The following STX8 variants were observed in gnomAD, a reference collection of about 807,000 sequenced individuals.
The protein encoded by STX8 is syntaxin 8.
A neutral mutation model predicts 37.5 loss-of-function variants in STX8; 23 were observed. The observed-to-expected ratio is 0.61, with a 90% CI of 0.44 to 0.87. The LOEUF is 0.87. Among genes scored for constraint, STX8 ranks in the 40% least tolerant of loss-of-function variants. The probability of loss-of-function intolerance (pLI) is 0.00; values close to 1 mark genes in which losing one functional copy is unlikely to be tolerated. For missense variants in STX8, 313 were observed against 284.7 expected, an observed-to-expected ratio of 1.10 and a Z score of -0.71; for synonymous variants, 115 against 99.1, an observed-to-expected ratio of 1.16 and a Z score of -0.95.
intron 6 of STX8, among the ~76,000 whole-genome samples, chr17:9,474,102 A>C (rs982368353): frequency 1.3e-5 from 2 of 152,112 alleles, no homozygotes; most frequent in African/African-American, 2.4e-5. Flanking sequence ...GAGCTGCTGG[A>C]TTGGTGAACA....
At chr17:9,423,730 T>G (rs1256816305) in intron 6 of STX8, among the ~76,000 whole-genome samples, 1 of 152,264 alleles carries the variant, frequency 6.6e-6, no homozygotes, top group African/African-American at 2.4e-5. Context: ...TTCTTACCCT[T>G]GCAGGTCAGT....
At chr17:9,485,368 G>C (rs1022083289) in intron 6 of STX8, among the ~76,000 whole-genome samples, 4 of 152,160 alleles carry the variant, frequency 2.6e-5, no homozygotes, top group African/African-American at 9.7e-5. Flanking sequence ...GGCATTCATG[G>C]AGAGGAAAGC....
chr17:9,562,352 G>A (rs970700828), intron 2 of STX8, among the ~76,000 whole-genome samples: 1 of 151,624 alleles, frequency 6.6e-6, no homozygotes, highest in African/African-American at 2.4e-5. Flanking sequence ...CTTGAAGTGA[G>A]CCGAGATCGC....
chr17:9,307,717 T>G (rs1909049009), intron 7 of STX8, among the ~76,000 whole-genome samples: 1 of 151,926 alleles, frequency 6.6e-6, no homozygotes, highest in South Asian at 2.1e-4. Flanking sequence ...GCATGCTGAG[T>G]ACTTTGAACT....
chr17:9,271,010 T>C (rs1478079496), intron 7 of STX8, among the ~76,000 whole-genome samples: 1 of 152,238 alleles, frequency 6.6e-6, no homozygotes, highest in African/African-American at 2.4e-5. Context: ...GTTTCATTCA[T>C]TCCTTGTAAC....
intron 6 of STX8, among the ~76,000 whole-genome samples, chr17:9,379,792 A>G (rs1478758770): frequency 3.9e-5 from 6 of 152,022 alleles, no homozygotes; most frequent in Non-Finnish European, 8.8e-5. Context: ...AACATGGTGA[A>G]ACCCCGTCTC....
chr17:9,271,642 C>T (rs974086402), intron 7 of STX8, among the ~76,000 whole-genome samples: 1 of 149,628 alleles, frequency 6.7e-6, no homozygotes, highest in Non-Finnish European at 1.5e-5. Flanking sequence ...CCCAGCTACT[C>T]GGGAGGCTGA....
At chr17:9,398,176 A>G (rs1205467080) in intron 6 of STX8, among the ~76,000 whole-genome samples, 2 of 152,168 alleles carry the variant, frequency 1.3e-5, no homozygotes, top group Non-Finnish European at 2.9e-5. Flanking sequence ...GAAATGGGGA[A>G]GGAGTAACTT....
At chr17:9,454,267 G>A (rs112673233) in intron 6 of STX8, among the ~76,000 whole-genome samples, 18 of 152,276 alleles carry the variant, frequency 1.2e-4, no homozygotes, top group African/African-American at 3.4e-4. Context: ...CTCGTAGGCC[G>A]GGAGCACGTA....
rs769390840 is a variant in STX8 at position 9,414,129 on chromosome 17, ACCAT to A, written c.542-35480_542-35477del. ...ATCCATCCATCCATCCATCCATCCA[ACCAT>A]CCATCCATCCATCCATCCATCCATG... On this transcript the variant is annotated intron_variant, in intron 6 of 7. Transcript: ENST00000306357. Among the ~76,000 whole-genome samples the A allele has an allele frequency of 2.5e-4, 17 of 67,678 alleles. No homozygotes were observed. The East Asian group carries it at 5.6e-3, about 22-fold the overall frequency. The allele number at this position is 67,678 out of a possible 152,430, so 44.4% of individuals were successfully genotyped here. A position where few individuals can be genotyped will look rare whatever the true frequency, so the allele number is the denominator to read the frequency against.
At chr17:9,255,895 TTTTC>T (rs1190734691) in intron 7 of STX8, among the ~76,000 whole-genome samples, 1 of 152,210 alleles carries the variant, frequency 6.6e-6, no homozygotes, top group Non-Finnish European at 1.5e-5. Context: ...CGGCAATCCT[TTTTC>T]TTTAAGAAGT....
At chr17:9,545,527 A>G (rs983024426) in intron 3 of STX8, among the ~76,000 whole-genome samples, 3 of 152,180 alleles carry the variant, frequency 2.0e-5, no homozygotes, top group African/African-American at 7.2e-5. Context: ...TCATGACACA[A>G]GTTTTTCATT....
chr17:9,298,112 C>T (rs1052560302), intron 7 of STX8, among the ~76,000 whole-genome samples: 6 of 151,956 alleles, frequency 3.9e-5, no homozygotes, highest in African/African-American at 1.5e-4. Context: ...AGTCAGCCTC[C>T]TCCTCCGTTC....
At chr17:9,508,837 T>G (rs1172781231) in intron 4 of STX8, among the ~76,000 whole-genome samples, 1 of 152,198 alleles carries the variant, frequency 6.6e-6, no homozygotes, top group African/African-American at 2.4e-5. Context: ...TCCCAAGTCT[T>G]GGGAGCTTCC....
chr17:9,415,379 C>T (rs1409486038), intron 6 of STX8, among the ~76,000 whole-genome samples: 3 of 152,108 alleles, frequency 2.0e-5, no homozygotes, highest in African/African-American at 7.2e-5. Flanking sequence ...TTAACAAGTT[C>T]CTGGTATCTG....
Position 9,339,928 on chromosome 17 carries a change from G to A in STX8, c.643+38624C>T, listed in dbSNP as rs117102753. Among the ~76,000 whole-genome samples the A allele has an allele frequency of 2.9e-3, 437 of 152,346 alleles. 15 individuals are homozygous for A. In the East Asian group the frequency reaches 0.059, roughly 21 times the overall value. ...CATTTAGGAGCTAAGAAACACTGAT[G>A]AGATTCTGTCTTGTATGAGCATGAT... On this transcript the variant is annotated intron_variant, in intron 7 of 7. Coordinates refer to ENST00000306357, the MANE Select transcript of STX8 (RefSeq NM_004853.3).
At chr17:9,426,197 G>A (rs1913622237) in intron 6 of STX8, among the ~76,000 whole-genome samples, 1 of 152,198 alleles carries the variant, frequency 6.6e-6, no homozygotes, top group Admixed American at 6.5e-5. Context: ...ACTTGGGGAA[G>A]CTGAGGCAGG....
intron 7 of STX8, among the ~76,000 whole-genome samples, chr17:9,375,172 C>T (rs971876736): frequency 6.6e-6 from 1 of 151,198 alleles, no homozygotes; most frequent in African/African-American, 2.4e-5. Context: ...AATTCTGTGG[C>T]AGATAATATA....
chr17:9,305,088 ATATTAT>A (rs547463676), intron 7 of STX8, among the ~76,000 whole-genome samples: 120 of 151,604 alleles, frequency 7.9e-4, no homozygotes, highest in Middle Eastern at 3.4e-3. Context: ...GAGATATTAA[ATATTAT>A]TATTATTATT....
Sources: allele counts gnomAD v4.1 joint callset (sites outside exome capture counted in the v4.1 genomes callset), GRCh38; gene constraint gnomAD v4.1.1; transcripts MANE v1.5; gene names NCBI Gene and HGNC (gene_info 2026-07-23, HGNC 2026-07-21).